The following CCDC148 variants were observed in gnomAD, a reference collection of about 807,000 sequenced individuals.
The protein encoded by CCDC148 is coiled-coil domain containing 148.
Under a neutral mutation model 85.7 loss-of-function variants are expected in CCDC148, and 89 were observed. That is an observed-to-expected ratio of 1.04 (90% CI 0.87 to 1.24). The LOEUF (loss-of-function observed/expected upper bound fraction) is 1.24, where lower values mean the gene tolerates loss of function less well. Among genes scored for constraint, CCDC148 ranks in the 50% most tolerant of loss-of-function variants. CCDC148 has a pLI of 0.00. For synonymous variants in CCDC148, 230 were observed against 213.9 expected (o/e 1.08, Z -0.66); for missense variants, 692 against 671.7 (o/e 1.03, Z -0.33).
At chr2:158,359,462 G>A (rs932550813) in intron 1 of CCDC148, among the ~76,000 whole-genome samples, 2 of 152,118 alleles carry the variant, frequency 1.3e-5, no homozygotes. Flanking sequence ...GGTGATTTCT[G>A]CATTTCCAAC....
At chr2:158,240,153 A>G (rs1688286728) in intron 10 of CCDC148, among the ~76,000 whole-genome samples, 1 of 127,638 alleles carries the variant, frequency 7.8e-6, no homozygotes, top group African/African-American at 3.0e-5. Context: ...TGGATGTTAG[A>G]GCCAAGCCCA....
intron 1 of CCDC148, among the ~76,000 whole-genome samples, chr2:158,412,250 C>T (rs1322296500): frequency 1.3e-5 from 2 of 152,114 alleles, no homozygotes; most frequent in Non-Finnish European, 2.9e-5. Flanking sequence ...TGCTTTTCTA[C>T]GTGCCTATCC....
chr2:158,200,880 C>T (rs1685920739), intron 11 of CCDC148, among the ~76,000 whole-genome samples: 1 of 152,152 alleles, frequency 6.6e-6, no homozygotes, highest in South Asian at 2.1e-4. Flanking sequence ...AGAATTATTA[C>T]ATTAGGAAAT....
chr2:158,416,087 T>C (rs1177176298), intron 1 of CCDC148, among the ~76,000 whole-genome samples: 2 of 152,232 alleles, frequency 1.3e-5, no homozygotes, highest in Non-Finnish European at 2.9e-5. Flanking sequence ...CTTCCAAGGC[T>C]TGTGGCTTAC....
At chr2:158,431,378 CAG>C (rs1180659469) in intron 1 of CCDC148, among the ~76,000 whole-genome samples, 1 of 150,866 alleles carries the variant, frequency 6.6e-6, no homozygotes, top group Non-Finnish European at 1.5e-5. Context: ...TAGAAAAACA[CAG>C]AGAAGAATGA....
At chr2:158,345,462 C>A in intron 2 of CCDC148, 144 bp from the exon 3 acceptor site, 20 of 523,324 alleles carry the variant, frequency 3.8e-5, no homozygotes, top group South Asian at 1.9e-4. Context: ...ACAAAATCTA[C>A]CTAAAATAAA....
chr2:158,356,930 A>T (rs550986521), intron 2 of CCDC148, among the ~76,000 whole-genome samples: 1 of 146,562 alleles, frequency 6.8e-6, no homozygotes, highest in South Asian at 2.3e-4. Context: ...TGTCCTTTGT[A>T]GGGACATGGA....
intron 9 of CCDC148, among the ~76,000 whole-genome samples, chr2:158,307,217 A>G (rs1190386123): frequency 6.6e-6 from 1 of 152,124 alleles, no homozygotes; most frequent in Non-Finnish European, 1.5e-5. Flanking sequence ...GAACATACAA[A>G]TAAGTAAGAA....
intron 9 of CCDC148, among the ~76,000 whole-genome samples, chr2:158,291,885 C>T (rs1392423833): frequency 6.6e-6 from 1 of 152,178 alleles, no homozygotes; most frequent in African/African-American, 2.4e-5. Flanking sequence ...AAGTATATTA[C>T]TAACAAGCAA....
intron 9 of CCDC148, among the ~76,000 whole-genome samples, chr2:158,307,610 T>C (rs1691756114): frequency 6.6e-6 from 1 of 152,208 alleles, no homozygotes; most frequent in South Asian, 2.1e-4. Context: ...TCAAGAATGT[T>C]GATAGTGCCA....
intron 11 of CCDC148, among the ~76,000 whole-genome samples, chr2:158,184,760 C>G (rs936174055): frequency 6.6e-6 from 1 of 152,166 alleles, no homozygotes; most frequent in East Asian, 1.9e-4. Flanking sequence ...GGATGAGAAC[C>G]AATGCTACAT....
At chr2:158,311,505 A>C (rs2105211655) in intron 8 of CCDC148, among the ~76,000 whole-genome samples, 1 of 152,280 alleles carries the variant, frequency 6.6e-6, no homozygotes, top group East Asian at 1.9e-4. Flanking sequence ...GGAAAGCGGG[A>C]GACGGAGATG....
At chr2:158,322,118 T>C (rs1692547689) in intron 7 of CCDC148, among the ~76,000 whole-genome samples, 1 of 152,194 alleles carries the variant, frequency 6.6e-6, no homozygotes, top group African/African-American at 2.4e-5. Context: ...TTAGAATTTT[T>C]CATGCCCTTT....
intron 1 of CCDC148, among the ~76,000 whole-genome samples, chr2:158,454,910 T>G (rs760799037): frequency 1.3e-5 from 2 of 152,158 alleles, no homozygotes; most frequent in Non-Finnish European, 1.5e-5. Flanking sequence ...CAGTAACATT[T>G]TAATTATGAC....
intron 2 of CCDC148, 102 bp from the exon 3 acceptor site, chr2:158,345,420 C>A: frequency 1.3e-6 from 1 of 745,906 alleles, no homozygotes; most frequent in South Asian, 2.1e-5. Flanking sequence ...AATAGTTTCT[C>A]TTTTAAAATT....
rs567339508 is a variant in CCDC148 at position 158,280,842 on chromosome 2, C to T, written c.1110+28591G>A. Among the ~76,000 whole-genome samples the T allele has an allele frequency of 4.3e-3, 661 of 152,256 alleles. 4 individuals are homozygous for T. Among genetic ancestry groups the T allele is most frequent in the African/African-American group, 0.015 (613 of 41,554 alleles). On this transcript the variant is annotated intron_variant, in intron 9 of 13. Transcript: ENST00000283233. ...AATATACATTTTTTTCAGCACCACACCACACCTATTCCAAAACTGACCACA... is the reference window on the plus strand; with the variant it reads ...AATATACATTTTTTTCAGCACCACATCACACCTATTCCAAAACTGACCACA...
At chr2:158,433,092 A>AAAAAAAAAAAAAATATCTATATATC (rs1559141535) in intron 1 of CCDC148, among the ~76,000 whole-genome samples, 2 of 67,318 alleles carry the variant, frequency 3.0e-5, no homozygotes, top group African/African-American at 1.0e-4. Flanking sequence ...AAAAAAAAAA[A>AAAAAAAAAAAAAATATCTATATATC]TATATATATA....
At chr2:158,325,205 C>A in intron 7 of CCDC148, among the ~76,000 whole-genome samples, 1 of 152,098 alleles carries the variant, frequency 6.6e-6, no homozygotes, top group Non-Finnish European at 1.5e-5. Flanking sequence ...TCCTTTCCTA[C>A]GCATTCCAAT....
intron 9 of CCDC148, among the ~76,000 whole-genome samples, chr2:158,281,006 A>G (rs1690261320): frequency 6.6e-6 from 1 of 152,226 alleles, no homozygotes; most frequent in Non-Finnish European, 1.5e-5. Flanking sequence ...TGGAAACTGA[A>G]CAACCTGCTC....
Sources: allele counts gnomAD v4.1 joint callset (sites outside exome capture counted in the v4.1 genomes callset), GRCh38; gene constraint gnomAD v4.1.1; transcripts MANE v1.5; gene names NCBI Gene and HGNC (gene_info 2026-07-23, HGNC 2026-07-21).